The following TGM3 variants were observed in gnomAD, a reference collection of about 807,000 sequenced individuals.
The protein encoded by TGM3 is protein-glutamine gamma-glutamyltransferase E.
In TGM3, 52 loss-of-function variants were observed where a neutral mutation model predicts 73.8. The ratio of observed to expected loss-of-function variants is 0.70; its 90% CI spans 0.56 to 0.89. The LOEUF (loss-of-function observed/expected upper bound fraction) is 0.89, where lower values mean the gene tolerates loss of function less well. TGM3 is among the 40% of genes least tolerant of loss of function. TGM3 has a pLI of 0.00. For synonymous variants in TGM3, 372 were observed against 354.9 expected (o/e 1.05, Z -0.54); for missense variants, 928 against 909.9 (o/e 1.02, Z -0.26).
chr20:2,333,740 A>G (rs2084332878), intron 10 of TGM3, among the ~76,000 whole-genome samples: 1 of 151,686 alleles, frequency 6.6e-6, no homozygotes, highest in Admixed American at 6.5e-5. Context: ...CAGGATGGAA[A>G]TAGTTAAAAA....
In TGM3 at chr20:2,334,833, C is replaced by T. The variant is rs75135616; in HGVS notation, c.1643-283C>T. The stretch of plus-strand genomic sequence containing the variant: ...AGGACACTTGCCCTCCAACATTTTT[C>T]GGAGTCGGGAGGAAGCAGCGGTATC... On this transcript the variant is annotated intron_variant, in intron 10 of 12. Coordinates refer to ENST00000381458, the MANE Select transcript of TGM3 (RefSeq NM_003245.4). The surrounding 1 kb of genome is among the most constrained non-coding windows in gnomAD (Gnocchi z 4.0). Among the ~76,000 whole-genome samples, 3,033 of 152,254 alleles carry T rather than the reference C, an allele frequency of 0.02. 32 individuals are homozygous for T. The highest frequency in any genetic ancestry group is 0.029 in the Non-Finnish European group (1,977 of 68,002).
At chr20:2,323,432 C>T (rs2122235258) in intron 7 of TGM3, among the ~76,000 whole-genome samples, 1 of 152,296 alleles carries the variant, frequency 6.6e-6, no homozygotes, top group Middle Eastern at 3.4e-3. Context: ...ATGGCTCTGC[C>T]ACCATTTATC....
At chr20:2,312,339 A>G (rs527533537) in intron 4 of TGM3, among the ~76,000 whole-genome samples, 123 of 137,120 alleles carry the variant, frequency 9.0e-4, no homozygotes, top group African/African-American at 3.1e-3. Flanking sequence ...GGAGGTCACG[A>G]TGAGCCGAGA....
At chr20:2,318,880 TAAC>T (rs1209227561) in intron 7 of TGM3, among the ~76,000 whole-genome samples, 2 of 152,100 alleles carry the variant, frequency 1.3e-5, no homozygotes, top group Admixed American at 1.3e-4. Flanking sequence ...AACAAATAAA[TAAC>T]AACTCCATGC....
intron 7 of TGM3, among the ~76,000 whole-genome samples, chr20:2,318,398 C>A (rs922435458): frequency 2.0e-5 from 3 of 152,034 alleles, no homozygotes; most frequent in Non-Finnish European, 4.4e-5. Flanking sequence ...CACACACACA[C>A]GTAATTTAAT....
chr20:2,306,104 C>A (rs1031590757), intron 1 of TGM3, among the ~76,000 whole-genome samples: 1 of 152,134 alleles, frequency 6.6e-6, no homozygotes. Context: ...ATGGGAGGAG[C>A]CTCTACTATT....
chr20:2,340,637 C>A lies in TGM3; in HGVS notation c.*56C>A. The A allele has an allele frequency of 6.2e-7, 1 of 1,609,466 alleles. No individual in the cohort carries two copies. Among genetic ancestry groups the A allele is most frequent in the African/African-American group, 1.3e-5 (1 of 74,912 alleles). On this transcript the variant is annotated 3_prime_UTR_variant, in exon 13 of 13. Coordinates refer to ENST00000381458, the MANE Select transcript of TGM3 (RefSeq NM_003245.4). ...GACAACACGGAGCAGGGAGAGCTCA[C>A]CATGGAATGAACCCCCCGCCCATGC...
chr20:2,322,896 C>A (rs1220379921), intron 7 of TGM3, among the ~76,000 whole-genome samples: 4 of 152,044 alleles, frequency 2.6e-5, no homozygotes, highest in Admixed American at 6.5e-5. Flanking sequence ...AAATAAGTAA[C>A]ATAAAACTTA....
Position 2,317,166 on chromosome 20 carries a change from C to T in TGM3, c.768C>T (p.Ile256=), listed in dbSNP as rs781374779. ...DPRSWNGSVE[I]LKNWKKSGFS... ...GGAGCTGGAACGGCAGCGTGGAGATCCTCAAAAATTGGAAAAAATCTGGCT... is the reference window on the plus strand; with the variant it reads ...GGAGCTGGAACGGCAGCGTGGAGATTCTCAAAAATTGGAAAAAATCTGGCT... The change falls in exon 6 of 13, where the codon ATC becomes ATT. Residue 256 remains isoleucine (I), a synonymous_variant. Transcript: ENST00000381458. The T allele has an allele frequency of 1.1e-5, 18 of 1,614,006 alleles. No individual in the cohort carries two copies. The highest frequency in any genetic ancestry group is 1.5e-5 in the Non-Finnish European group (18 of 1,180,026).
chr20:2,310,262 A>T lies in TGM3; in HGVS notation c.266A>T (p.Gln89Leu). The change falls in exon 3 of 13, where the codon CAG becomes CTG. Residue 89 changes from glutamine to leucine, a missense_variant. Transcript: ENST00000381458. ...GSSGGWSAVL[Q>L]ASNGNTLTIS... ...AGTGGTGGCTGGAGTGCGGTGCTTC[A>T]GGCCAGCAATGGCAATACTCTGACT... 1 of 1,614,228 alleles carries T rather than the reference A, an allele frequency of 6.2e-7. No homozygotes were observed. The highest frequency in any genetic ancestry group is 8.5e-7 in the Non-Finnish European group (1 of 1,180,036).
rs577105806 is a variant in TGM3, at chr20:2,313,478, G to A, written c.669+452G>A. On this transcript the variant is annotated intron_variant, in intron 5 of 12. Coordinates refer to ENST00000381458, the MANE Select transcript of TGM3 (RefSeq NM_003245.4). Reference sequence around the variant, plus strand: ...CACAGCCCAGAGCACAGCCCAGAGTGTCAGATGGTAGGCTGCCTCATTCAT... The same window carrying A: ...CACAGCCCAGAGCACAGCCCAGAGTATCAGATGGTAGGCTGCCTCATTCAT... Among the ~76,000 whole-genome samples the A allele has an allele frequency of 2.0e-5, 3 of 152,290 alleles. No homozygotes were observed. In the East Asian group the frequency reaches 5.8e-4, roughly 29 times the overall value.
intron 4 of TGM3, among the ~76,000 whole-genome samples, chr20:2,312,358 C>T (rs1313296085): frequency 3.7e-5 from 5 of 133,918 alleles, no homozygotes; most frequent in Admixed American, 2.8e-4. Flanking sequence ...GATCATACCA[C>T]TGCACTCCAG....
intron 7 of TGM3, among the ~76,000 whole-genome samples, chr20:2,319,205 T>A (rs1425748931): frequency 6.6e-6 from 1 of 152,188 alleles, no homozygotes; most frequent in Non-Finnish European, 1.5e-5. Context: ...AACTTTAGTT[T>A]CTTCTACAAA....
Position 2,310,590 on chromosome 20 carries a change from T to C in TGM3, c.421+173T>C, listed in dbSNP as rs559590889. The stretch of plus-strand genomic sequence containing the variant: ...TGACACTTAAGCAGCTGTCTGAGTG[T>C]GGGCAGTCCTTCTATCTCTCCAAGC... On this transcript the variant is annotated intron_variant, in intron 3 of 12. Transcript: ENST00000381458. Among the ~76,000 whole-genome samples, 269 of 152,370 alleles carry C rather than the reference T, an allele frequency of 1.8e-3. 1 individual carries two copies. Among genetic ancestry groups the C allele is most frequent in the African/African-American group, 4.6e-3 (191 of 41,588 alleles).
rs868542079 is a variant in TGM3 at position 2,328,502 on chromosome 20, G to A, written c.1333+137G>A. 2.4e-6 allele frequency: 3 copies of A among 1,238,610 alleles called. No individual in the cohort carries two copies. Among genetic ancestry groups the A allele is most frequent in the Admixed American group, 4.3e-5 (2 of 46,142 alleles). 76.7% of individuals were successfully genotyped at this position (1,238,610 alleles called of 1,614,324 possible). A position where few individuals can be genotyped will look rare whatever the true frequency, so the allele number is the denominator to read the frequency against. On this transcript the variant is annotated intron_variant, in intron 9 of 12. Coordinates refer to ENST00000381458, the MANE Select transcript of TGM3 (RefSeq NM_003245.4). The surrounding 1 kb of genome is among the most constrained non-coding windows in gnomAD (Gnocchi z 5.2). Reference sequence around the variant, plus strand: ...GCCTGAATGATAGGATTGCTCCCTAGCACCTAACATCCACCTCCCAGGACT... The same window carrying A: ...GCCTGAATGATAGGATTGCTCCCTAACACCTAACATCCACCTCCCAGGACT...
chr20:2,326,140 C>A (rs2084286734), intron 8 of TGM3, 188 bp downstream of exon 8: 3 of 630,702 alleles, frequency 4.8e-6, no homozygotes, highest in Admixed American at 2.7e-5. Flanking sequence ...TAAATGAGTG[C>A]CTGCCCTGCA....
In TGM3 at chr20:2,317,387, C is replaced by A; in HGVS notation, c.885C>A (p.Thr295=). The change falls in exon 7 of 13, where the codon ACC becomes ACA. Residue 295 remains threonine, a synonymous_variant. Coordinates refer to ENST00000381458, the MANE Select transcript of TGM3 (RefSeq NM_003245.4). ...TGGGGATTCCTTCCCGGGTGATCAC[C>A]AACTTCAACTCAGCTCATGACACAG... ...RSLGIPSRVI[T]NFNSAHDTDR... 1 of 1,614,188 alleles carries A rather than the reference C, an allele frequency of 6.2e-7. No homozygotes were observed. Among genetic ancestry groups the A allele is most frequent in the Non-Finnish European group, 8.5e-7 (1 of 1,180,036 alleles).
rs1235527123 is a variant in TGM3, at chr20:2,332,219, G to A, written c.1551G>A (p.Val517=). The change falls in exon 10 of 13, where the codon GTG becomes GTA. Residue 517 remains valine, a synonymous_variant. Transcript: ENST00000381458. This position sits in a 1 kb window ranked among gnomAD's most constrained non-coding sequence, Gnocchi z 4.4. ...NLSRDTKTVT[V]NMTAWTIIYN... is the part of the protein sequence containing the mutation. The stretch of plus-strand genomic sequence containing the variant: ...GCAGGGATACGAAGACAGTGACAGT[G>A]AACATGACAGCCTGGACCATCATCT... 6.2e-7 allele frequency: 1 copy of A among 1,614,036 alleles called. No individual in the cohort carries two copies. The highest frequency in any genetic ancestry group is 2.2e-5 in the East Asian group (1 of 44,880).
chr20:2,306,738 A>C (rs528288209), intron 1 of TGM3, among the ~76,000 whole-genome samples: 1 of 152,230 alleles, frequency 6.6e-6, no homozygotes, highest in East Asian at 1.9e-4. Flanking sequence ...TGGCCTCCCA[A>C]AATGCTGGGA....
Sources: allele counts gnomAD v4.1 joint callset (sites outside exome capture counted in the v4.1 genomes callset), GRCh38; gene constraint gnomAD v4.1.1; non-coding constraint Gnocchi (gnomAD v3.1); transcripts MANE v1.5; gene names NCBI Gene and HGNC (gene_info 2026-07-23, HGNC 2026-07-21).